Variants in PCTP observed in about 807,000 individuals in gnomAD.
The protein encoded by PCTP is START domain-containing protein 2.
A neutral mutation model predicts 31.0 loss-of-function variants in PCTP; 27 were observed. That is an observed-to-expected ratio of 0.87 (90% confidence interval 0.64 to 1.20). The LOEUF (loss-of-function observed/expected upper bound fraction) is 1.20, where lower values mean the gene tolerates loss of function less well. PCTP is among the 50% of genes most tolerant of loss of function. The pLI, the probability that PCTP is intolerant of heterozygous loss-of-function variation, is 0.00. For missense variants in PCTP, 287 were observed against 268.2 expected, an observed-to-expected ratio of 1.07 and a Z score of -0.49; for synonymous variants, 108 against 101.2, an observed-to-expected ratio of 1.07 and a Z score of -0.40.
chr17:55,814,053 C>CAA (rs111612560), intron 3 of PCTP, among the ~76,000 whole-genome samples: 3 of 121,296 alleles, frequency 2.5e-5, no homozygotes, highest in South Asian at 2.7e-4. Context: ...GACCCTGTGT[C>CAA]AAAAAAAAAA....
downstream of PCTP, among the ~76,000 whole-genome samples, chr17:55,843,487 A>C (rs1156425099): frequency 1.3e-5 from 2 of 152,046 alleles, no homozygotes; most frequent in Non-Finnish European, 2.9e-5. Flanking sequence ...CCACGAATAA[A>C]CCGTGGTGTT....
chr17:55,751,589 T>TTGGAGA, intron 1 of PCTP: 1 of 876,404 alleles, frequency 1.1e-6, no homozygotes, highest in Non-Finnish European at 1.6e-6. Flanking sequence ...CACTCTCCAA[T>TTGGAGA]GCGTGTCAGT....
intron 3 of PCTP, among the ~76,000 whole-genome samples, chr17:55,818,980 C>T (rs1476467668): frequency 7.9e-6 from 1 of 126,232 alleles, no homozygotes; most frequent in Admixed American, 1.0e-4. Context: ...TGATGTTGTC[C>T]TGGTGTCCTA....
chr17:55,774,759 T>C (rs757810269), intron 4 of PCTP, 33 bp from the exon 5 acceptor site: 8 of 1,564,692 alleles, frequency 5.1e-6, no homozygotes, highest in Non-Finnish European at 7.0e-6. Context: ...GTATTTTTCC[T>C]TTTTCTGAAT....
chr17:55,839,540 G>T (rs1204535709), intron 5 of PCTP, among the ~76,000 whole-genome samples: 1 of 152,186 alleles, frequency 6.6e-6, no homozygotes, highest in Non-Finnish European at 1.5e-5. Flanking sequence ...TTCTCCAGGG[G>T]ATTCTAATGA....
intron 1 of PCTP, among the ~76,000 whole-genome samples, chr17:55,766,312 C>T (rs547087852): frequency 6.7e-6 from 1 of 149,990 alleles, no homozygotes; most frequent in African/African-American, 2.5e-5. Context: ...GCACAATGTG[C>T]AGGTTAGTTA....
At chr17:55,841,709 G>C (rs1169136107) in intron 5 of PCTP, among the ~76,000 whole-genome samples, 1 of 152,134 alleles carries the variant, frequency 6.6e-6, no homozygotes, top group African/African-American at 2.4e-5. Flanking sequence ...GCATTTCCTG[G>C]AAGAATCTCA....
At chr17:55,788,542 C>T (rs747732651) in intron 3 of PCTP, among the ~76,000 whole-genome samples, 10 of 152,126 alleles carry the variant, frequency 6.6e-5, no homozygotes, top group Non-Finnish European at 1.0e-4. Context: ...TCATCTTTGA[C>T]CTCATGGAAC....
intron 3 of PCTP, among the ~76,000 whole-genome samples, chr17:55,811,445 T>C (rs886959642): frequency 8.5e-5 from 13 of 152,218 alleles, no homozygotes; most frequent in African/African-American, 3.1e-4. Context: ...TCCTAGGCAG[T>C]GTAAGAGATA....
intron 5 of PCTP, among the ~76,000 whole-genome samples, chr17:55,831,107 C>T (rs997337163): frequency 2.0e-5 from 3 of 151,834 alleles, no homozygotes; most frequent in Non-Finnish European, 2.9e-5. Context: ...CCAAAGTGGG[C>T]TGAGACCGGA....
chr17:55,851,599 A>G, the PCTP span, among the ~76,000 whole-genome samples: 1 of 152,232 alleles, frequency 6.6e-6, no homozygotes, highest in Admixed American at 6.5e-5. Flanking sequence ...CTTCCTTCTC[A>G]AAGAGTGACA....
At chr17:55,755,774 G>T (rs575307351) in intron 1 of PCTP, among the ~76,000 whole-genome samples, 2 of 151,938 alleles carry the variant, frequency 1.3e-5, no homozygotes, top group East Asian at 3.9e-4. Context: ...TTTATTTGAT[G>T]CTGCAAATTA....
chr17:55,815,074 C>A (rs1016932291), intron 3 of PCTP, among the ~76,000 whole-genome samples: 3 of 152,204 alleles, frequency 2.0e-5, no homozygotes, highest in Admixed American at 2.0e-4. Context: ...GTAGAATAAT[C>A]TCTTTGTAAA....
At chr17:55,842,593 G>A (rs907302254) in intron 5 of PCTP, 6 of 152,166 alleles carry the variant, frequency 3.9e-5, no homozygotes, top group Non-Finnish European at 8.8e-5. Context: ...GAGGCGTGAA[G>A]AAATTGGACA....
intron 2 of PCTP, chr17:55,769,746 C>T (rs147756384): frequency 3.3e-5 from 5 of 152,368 alleles, no homozygotes; most frequent in Non-Finnish European, 5.9e-5. Context: ...GATCTGCCAT[C>T]CCTGAATTCG....
At position 55,830,537 on chromosome 17, in the gene PCTP, T is replaced by A. The variant is rs182715430; in HGVS notation, n.505+7610T>A. ...TAAAAATGAAAATTGGTTGGTAAAA[T>A]TCCACATTCTGACAGGAAAAATAAC... On this transcript the variant is annotated intron_variant and non_coding_transcript_variant, in intron 5 of 5. Transcript: ENST00000576221. Among the ~76,000 whole-genome samples the A allele has an allele frequency of 6.6e-3, 1,002 of 152,310 alleles. 6 individuals carry two copies. The highest frequency in any genetic ancestry group is 0.011 in the Non-Finnish European group (772 of 68,034).
intron 3 of PCTP, among the ~76,000 whole-genome samples, chr17:55,790,968 C>A (rs1029501424): frequency 1.9e-4 from 29 of 151,750 alleles, no homozygotes; most frequent in Admixed American, 1.8e-3. Context: ...TATAGATCAA[C>A]GGAACAGAAC....
intron 3 of PCTP, among the ~76,000 whole-genome samples, chr17:55,809,248 CA>C (rs916962135): frequency 1.2e-4 from 18 of 152,146 alleles, no homozygotes; most frequent in Admixed American, 1.0e-3. Context: ...AAACAAAACA[CA>C]AACTCTTTAT....
intron 1 of PCTP, among the ~76,000 whole-genome samples, chr17:55,762,777 A>G (rs1353188709): frequency 6.6e-6 from 1 of 152,140 alleles, no homozygotes; most frequent in Admixed American, 6.5e-5. Context: ...TAAAACAGGG[A>G]TAAGTCACAC....
Sources: gnomAD v4.1 joint callset for allele counts (sites outside exome capture counted in the v4.1 genomes callset) on GRCh38, gnomAD v4.1.1 for gene constraint, MANE v1.5 for transcripts, NCBI Gene and HGNC (gene_info 2026-07-23, HGNC 2026-07-21) for gene names.